The following CCL26 variants were observed in gnomAD, a reference collection of about 807,000 sequenced individuals.
CCL26 encodes the protein C-C motif chemokine 26.
Under a neutral mutation model 10.7 loss-of-function variants are expected in CCL26, and 10 were observed. The observed-to-expected ratio is 0.93, with a 90% CI of 0.57 to 1.58. The LOEUF is 1.58. Among genes scored for constraint, CCL26 ranks in the 40% most tolerant of loss-of-function variants. CCL26 has a pLI of 0.00. For synonymous variants in CCL26, 43 were observed against 41.4 expected (o/e 1.04, Z -0.15); for missense variants, 116 against 111.0 (o/e 1.05, Z -0.20).
chr7:75,777,869 G>C (rs1399029618), intron 1 of CCL26, among the ~76,000 whole-genome samples: 3 of 150,486 alleles, frequency 2.0e-5, no homozygotes, highest in Admixed American at 6.6e-5. Context: ...GCCCAGGCTG[G>C]AGTGCAGTGG....
upstream of CCL26, among the ~76,000 whole-genome samples, chr7:75,790,931 C>A (rs1365348679): frequency 1.3e-5 from 2 of 149,460 alleles, no homozygotes; most frequent in Admixed American, 6.7e-5. Context: ...GCGATAGAGA[C>A]TCCATTTCAA....
intron 1 of CCL26, among the ~76,000 whole-genome samples, chr7:75,777,721 G>GAA (rs60039632): frequency 5.0e-5 from 3 of 60,528 alleles, no homozygotes; most frequent in Admixed American, 2.8e-4. Flanking sequence ...TCCTGTCTCA[G>GAA]AAAAAAAAAA....
intron 1 of CCL26, among the ~76,000 whole-genome samples, chr7:75,789,414 C>G (rs939255458): frequency 6.6e-6 from 1 of 151,266 alleles, no homozygotes; most frequent in African/African-American, 2.4e-5. Flanking sequence ...ATTTCTCTCT[C>G]TCTCTCTCTT....
At chr7:75,787,415 C>T (rs1477788458) in intron 1 of CCL26, among the ~76,000 whole-genome samples, 1 of 151,852 alleles carries the variant, frequency 6.6e-6, no homozygotes, top group African/African-American at 2.4e-5. Flanking sequence ...GAGGCTGAGG[C>T]GGGCAGATCA....
At chr7:75,783,804 G>T (rs1246369427) in intron 1 of CCL26, among the ~76,000 whole-genome samples, 1 of 135,914 alleles carries the variant, frequency 7.4e-6, no homozygotes, top group Non-Finnish European at 1.6e-5. Flanking sequence ...AAAAAAAAAA[G>T]AAAGAAACTA....
chr7:75,779,618 A>T (rs1180814331), intron 1 of CCL26, among the ~76,000 whole-genome samples: 1 of 152,226 alleles, frequency 6.6e-6, no homozygotes, highest in African/African-American at 2.4e-5. Context: ...CCGTGGACCC[A>T]AAACTCCGGC....
At chr7:75,773,349 A>T (rs1802871105), upstream of CCL26, among the ~76,000 whole-genome samples, 1 of 151,592 alleles carries the variant, frequency 6.6e-6, no homozygotes, top group African/African-American at 2.4e-5. Flanking sequence ...GCTTGAATGC[A>T]GGAGGCAGAG....
upstream of CCL26, among the ~76,000 whole-genome samples, chr7:75,773,976 A>G (rs1266372001): frequency 1.3e-5 from 2 of 152,000 alleles, no homozygotes; most frequent in Admixed American, 6.6e-5. Context: ...CTCCCAAAGC[A>G]CTGGGATTAT....
At chr7:75,773,822 G>T (rs965869849), upstream of CCL26, among the ~76,000 whole-genome samples, 1 of 151,308 alleles carries the variant, frequency 6.6e-6, no homozygotes, top group African/African-American at 2.4e-5. Flanking sequence ...GGCAGAGGTT[G>T]CAGTGAGCCA....
intron 1 of CCL26, among the ~76,000 whole-genome samples, chr7:75,788,070 A>T (rs1585017001): frequency 6.6e-6 from 1 of 151,990 alleles, no homozygotes; most frequent in South Asian, 2.1e-4. Context: ...AATATCGCCC[A>T]TTATCTCTCC....
At chr7:75,775,616 T>C (rs1221768172), upstream of CCL26, among the ~76,000 whole-genome samples, 2 of 152,046 alleles carry the variant, frequency 1.3e-5, no homozygotes, top group Admixed American at 6.6e-5. Context: ...TTCCCTGCTG[T>C]CACTGGTTGA....
intron 1 of CCL26, among the ~76,000 whole-genome samples, chr7:75,780,179 T>G (rs897545470): frequency 6.6e-6 from 1 of 150,998 alleles, no homozygotes; most frequent in African/African-American, 2.4e-5. Context: ...CACCCCTTTT[T>G]CCACTTTCCT....
intron 1 of CCL26, among the ~76,000 whole-genome samples, chr7:75,785,675 A>AAAACCTTT (rs1409676365): frequency 1.3e-5 from 2 of 152,154 alleles, no homozygotes; most frequent in Non-Finnish European, 2.9e-5. Context: ...CCATCCTAAC[A>AAAACCTTT]AAACCTTTAC....
chr7:75,770,538 C>T (rs1030938013), intron 2 of CCL26, among the ~76,000 whole-genome samples: 6 of 151,920 alleles, frequency 3.9e-5, no homozygotes, highest in Admixed American at 1.3e-4. Context: ...TGCGCCACCA[C>T]GTCCAGCTAA....
intron 1 of CCL26, among the ~76,000 whole-genome samples, chr7:75,780,700 C>T (rs368029008): frequency 4.5e-4 from 69 of 152,198 alleles, no homozygotes; most frequent in African/African-American, 1.6e-3. Context: ...CTTTCCCTCC[C>T]GCCTGTCCCC....
chr7:75,779,643 C>G (rs546816873), intron 1 of CCL26, among the ~76,000 whole-genome samples: 1 of 152,318 alleles, frequency 6.6e-6, no homozygotes, highest in Non-Finnish European at 1.5e-5. Flanking sequence ...GTCATGGACT[C>G]GGGAAGACAG....
chr7:75,780,245 A>T (rs1803033517), intron 1 of CCL26, among the ~76,000 whole-genome samples: 1 of 144,950 alleles, frequency 6.9e-6, no homozygotes, highest in Admixed American at 6.9e-5. Context: ...AGCATTCCCC[A>T]CCCCTTCTCT....
chr7:75,778,137 G>A (rs926574706), intron 1 of CCL26, among the ~76,000 whole-genome samples: 2 of 152,170 alleles, frequency 1.3e-5, no homozygotes, highest in African/African-American at 4.8e-5. Context: ...TTTCCATAAT[G>A]ACTGAACCAA....
upstream of CCL26, among the ~76,000 whole-genome samples, chr7:75,774,566 CCT>C (rs1233783944): frequency 6.6e-6 from 1 of 152,044 alleles, no homozygotes; most frequent in African/African-American, 2.4e-5. Context: ...TCTGCCTCAG[CCT>C]CTGAGTAGCT....
Sources: allele counts gnomAD v4.1 joint callset (sites outside exome capture counted in the v4.1 genomes callset), GRCh38; gene constraint gnomAD v4.1.1; transcripts MANE v1.5; gene names NCBI Gene and HGNC (gene_info 2026-07-23, HGNC 2026-07-21).